The following ACYP2 variants were observed in gnomAD, a reference collection of about 807,000 sequenced individuals.
ACYP2 encodes the protein acylphosphatase-2.
In ACYP2, 12 loss-of-function variants were observed where a neutral mutation model predicts 11.2. The ratio of observed to expected loss-of-function variants is 1.08; its 90% CI spans 0.69 to 1.74. The LOEUF (loss-of-function observed/expected upper bound fraction) is 1.74, where lower values mean the gene tolerates loss of function less well. ACYP2 is among the 40% of genes most tolerant of loss of function. ACYP2 has a pLI of 0.00. For synonymous variants in ACYP2, 43 were observed against 32.2 expected, an observed-to-expected ratio of 1.33 and a Z score of -1.13; for missense variants, 134 against 101.9, an observed-to-expected ratio of 1.31 and a Z score of -1.35.
intron 6 of ACYP2, among the ~76,000 whole-genome samples, chr2:54,144,025 A>G (rs1681764534): frequency 6.6e-6 from 1 of 152,112 alleles, no homozygotes. Flanking sequence ...GCTGGAGTGC[A>G]ATGGCACAAT....
At chr2:54,300,218 C>T (rs1248382572) in intron 6 of ACYP2, among the ~76,000 whole-genome samples, 1 of 152,204 alleles carries the variant, frequency 6.6e-6, no homozygotes, top group Non-Finnish European at 1.5e-5. Context: ...CTTGTTCCAT[C>T]AATTACCACT....
chr2:54,039,217 GTT>G (rs546709588), intron 2 of ACYP2, among the ~76,000 whole-genome samples: 31 of 126,100 alleles, frequency 2.5e-4, no homozygotes, highest in African/African-American at 4.4e-4. Flanking sequence ...ATCTTTGGAA[GTT>G]TTTTTTTTTT....
intron 6 of ACYP2, among the ~76,000 whole-genome samples, chr2:54,278,998 A>C (rs1688732434): frequency 6.6e-6 from 1 of 152,244 alleles, no homozygotes; most frequent in East Asian, 1.9e-4. Context: ...GTCATGGAAC[A>C]GAGAGAAGCT....
At chr2:54,021,611 C>T (rs1674012994) in intron 2 of ACYP2, among the ~76,000 whole-genome samples, 1 of 152,156 alleles carries the variant, frequency 6.6e-6, no homozygotes, top group African/African-American at 2.4e-5. Flanking sequence ...CTCTGAAGCG[C>T]AAAAGTGGGG....
chr2:54,018,585 G>A (rs1673821967), intron 2 of ACYP2, among the ~76,000 whole-genome samples: 1 of 152,080 alleles, frequency 6.6e-6, no homozygotes, highest in Admixed American at 6.6e-5. Flanking sequence ...GGCTGAGGTG[G>A]GAGAATCAGT....
chr2:54,294,940 C>A (rs746909859), intron 6 of ACYP2, among the ~76,000 whole-genome samples: 1 of 151,172 alleles, frequency 6.6e-6, no homozygotes, highest in Non-Finnish European at 1.5e-5. Flanking sequence ...AGTAAAATAT[C>A]CTGAGTTAAT....
At chr2:54,143,733 G>GTT (rs545149069) in intron 6 of ACYP2, among the ~76,000 whole-genome samples, 4 of 76,686 alleles carry the variant, frequency 5.2e-5, no homozygotes, top group African/African-American at 2.4e-4. Flanking sequence ...TACCCAGCCG[G>GTT]TTTTTTTTTT....
chr2:54,035,352 G>C (rs1674838210), intron 2 of ACYP2, among the ~76,000 whole-genome samples: 1 of 145,528 alleles, frequency 6.9e-6, no homozygotes, highest in African/African-American at 2.6e-5. Context: ...TGCAAGCTCC[G>C]CCTCCCGGGT....
intron 6 of ACYP2, among the ~76,000 whole-genome samples, chr2:54,148,606 G>C (rs1191105591): frequency 6.6e-6 from 1 of 152,156 alleles, no homozygotes; most frequent in Non-Finnish European, 1.5e-5. Flanking sequence ...AATTGGGCTA[G>C]AGAAATTAAT....
At chr2:54,118,223 A>C (rs1435835847) in intron 4 of ACYP2, among the ~76,000 whole-genome samples, 2 of 152,238 alleles carry the variant, frequency 1.3e-5, no homozygotes, top group Admixed American at 1.3e-4. Context: ...GAGTGAACCC[A>C]GCGGTATGTT....
chr2:54,141,907 G>C, intron 6 of ACYP2: 2 of 629,504 alleles, frequency 3.2e-6, no homozygotes, highest in South Asian at 3.6e-5. Flanking sequence ...GTCTGATCTA[G>C]ACTCACTGCA....
At chr2:54,005,691 A>T (rs1673030866) in intron 2 of ACYP2, among the ~76,000 whole-genome samples, 1 of 152,162 alleles carries the variant, frequency 6.6e-6, no homozygotes, top group African/African-American at 2.4e-5. Flanking sequence ...CAATTCATTT[A>T]TTCATTTGAC....
chr2:54,024,642 G>A (rs756727947), intron 2 of ACYP2, among the ~76,000 whole-genome samples: 19 of 152,108 alleles, frequency 1.2e-4, no homozygotes, highest in Non-Finnish European at 2.1e-4. Context: ...TACTGAGTGG[G>A]GAAAAGTTGA....
At chr2:54,251,285 G>C (rs530687119) in intron 6 of ACYP2, among the ~76,000 whole-genome samples, 2 of 151,986 alleles carry the variant, frequency 1.3e-5, no homozygotes, top group African/African-American at 2.4e-5. Flanking sequence ...TCAATTCATG[G>C]TTTACCCAAA....
At chr2:54,255,872 G>C (rs759425728) in intron 6 of ACYP2, 1 of 1,613,876 alleles carries the variant, frequency 6.2e-7, no homozygotes. Context: ...CCCTCCGCGG[G>C]TGGTGGAGTC....
chr2:54,190,809 G>A (rs909378312), intron 6 of ACYP2, among the ~76,000 whole-genome samples: 1 of 152,006 alleles, frequency 6.6e-6, no homozygotes, highest in Non-Finnish European at 1.5e-5. Context: ...TGTCTAACAG[G>A]CATATTAAAC....
chr2:54,272,297 G>A (rs1688342796), intron 6 of ACYP2, among the ~76,000 whole-genome samples: 1 of 152,264 alleles, frequency 6.6e-6, no homozygotes, highest in East Asian at 1.9e-4. Flanking sequence ...CTGTGTCTCT[G>A]GGCTCCTGTG....
intron 2 of ACYP2, among the ~76,000 whole-genome samples, chr2:54,045,293 A>G (rs114826076): frequency 6.6e-6 from 1 of 152,100 alleles, no homozygotes; most frequent in Non-Finnish European, 1.5e-5. Flanking sequence ...CCTTGGGGAG[A>G]TGGATTTGAG....
chr2:54,208,685 A>T (rs1685197711), intron 6 of ACYP2, among the ~76,000 whole-genome samples: 1 of 139,892 alleles, frequency 7.1e-6, no homozygotes, highest in Non-Finnish European at 1.5e-5. Flanking sequence ...ATTAGTTTAG[A>T]TTTTGAAAAA....
Sources: allele counts gnomAD v4.1 joint callset (sites outside exome capture counted in the v4.1 genomes callset), GRCh38; gene constraint gnomAD v4.1.1; transcripts MANE v1.5; gene names NCBI Gene and HGNC (gene_info 2026-07-23, HGNC 2026-07-21).